Variants in ZNF280D observed in about 807,000 individuals in gnomAD.
The protein encoded by ZNF280D is zinc finger protein 280D.
ZNF280D carries 39 observed loss-of-function variants against 94.7 expected under a neutral mutation model. That is an observed-to-expected ratio of 0.41 (90% CI 0.32 to 0.54). ZNF280D has a LOEUF of 0.54. Ranked by LOEUF, ZNF280D falls within the 20% of genes least tolerant of loss-of-function variation. ZNF280D has a pLI of 0.22. For synonymous variants in ZNF280D, 398 were observed against 377.6 expected (o/e 1.05, Z -0.63); for missense variants, 1,090 against 1,149.3 (o/e 0.95, Z 0.75).
At chr15:56,654,311 G>C in intron 18 of ZNF280D, 74 bp downstream of exon 18, 1 of 1,599,010 alleles carries the variant, frequency 6.3e-7, no homozygotes, top group Non-Finnish European at 8.5e-7. Context: ...TTAGTAAAGA[G>C]ACCATATTGT....
chr15:56,658,558 G>T, intron 16 of ZNF280D, 72 bp from the exon 17 acceptor site: 1 of 1,065,588 alleles, frequency 9.4e-7, no homozygotes, highest in Non-Finnish European at 1.3e-6. Context: ...TATATTTCAA[G>T]TCCATACTTA....
intron 19 of ZNF280D, among the ~76,000 whole-genome samples, chr15:56,644,701 A>G (rs1005147534): frequency 1.5e-4 from 23 of 152,304 alleles, no homozygotes; most frequent in African/African-American, 5.5e-4. Flanking sequence ...AATTGTATGC[A>G]GCTATTAAAA....
intron 1 of ZNF280D, 78 bp from the exon 2 acceptor site, chr15:56,707,384 C>A: frequency 1.6e-6 from 2 of 1,268,380 alleles, no homozygotes; most frequent in Non-Finnish European, 2.1e-6. Context: ...TTCTCCTATA[C>A]AGAGGTCAAT....
chr15:56,729,172 CAG>C (rs1466329760), intron 1 of ZNF280D, among the ~76,000 whole-genome samples: 1 of 152,154 alleles, frequency 6.6e-6, no homozygotes, highest in Non-Finnish European at 1.5e-5. Flanking sequence ...CAGATCTACA[CAG>C]AGATTGGGAA....
At position 56,631,282 on chromosome 15, in the gene ZNF280D, G is replaced by A. The variant is rs1162274326; in HGVS notation, c.*216C>T. 1.7e-5 allele frequency: 8 copies of A among 460,540 alleles called. No homozygotes were observed. Among genetic ancestry groups the A allele is most frequent in the South Asian group, 4.6e-5 (1 of 21,790 alleles). The allele number at this position is 460,540 out of a possible 1,614,324, so 28.5% of individuals were successfully genotyped here. On this transcript the variant is annotated 3_prime_UTR_variant, in exon 22 of 22. Transcript: ENST00000267807. ...TTTAATTATCATTAAAATCCTGTTCGTGTTTTTAAAAACTTTTTGGGAATC... is the reference window on the plus strand; with the variant it reads ...TTTAATTATCATTAAAATCCTGTTCATGTTTTTAAAAACTTTTTGGGAATC...
chr15:56,714,148 T>A (rs2057916388), intron 1 of ZNF280D, among the ~76,000 whole-genome samples: 1 of 152,202 alleles, frequency 6.6e-6, no homozygotes, highest in Non-Finnish European at 1.5e-5. Context: ...AAACTAAGTA[T>A]CTTTTTCAGA....
chr15:56,631,552 G>A lies in ZNF280D; in HGVS notation c.2886C>T (p.Asn962=). The A allele has an allele frequency of 1.9e-6, 3 of 1,613,992 alleles. No individual in the cohort carries two copies. Among genetic ancestry groups the A allele is most frequent in the Non-Finnish European group, 2.5e-6 (3 of 1,179,964 alleles). The part of the protein sequence containing the change: ...DQTDDIPGGN[N]PSTTEATVDL... ...CTACTGTTGCCTCTGTTGTGCTAGG[G>A]TTATTTCCTCCAGGAATGTCATCTG... Residue 962 remains asparagine (N), a synonymous_variant, in exon 22 of 22, where the codon AAC becomes AAT. Coordinates refer to ENST00000267807, the MANE Select transcript of ZNF280D (RefSeq NM_017661.4).
At chr15:56,699,500 T>C (rs2056935169) in intron 6 of ZNF280D, 4 of 880,158 alleles carry the variant, frequency 4.5e-6, no homozygotes, top group Non-Finnish European at 5.4e-6. Flanking sequence ...TGAACTAACA[T>C]GACTGAAATA....
chr15:56,719,545 A>G (rs2058233188), intron 1 of ZNF280D, among the ~76,000 whole-genome samples: 1 of 152,098 alleles, frequency 6.6e-6, no homozygotes, highest in Admixed American at 6.6e-5. Flanking sequence ...TTTTTTCTTT[A>G]TAAAATGCCC....
intron 20 of ZNF280D, among the ~76,000 whole-genome samples, chr15:56,639,156 TAC>T (rs2052498842): frequency 1.3e-5 from 2 of 151,742 alleles, no homozygotes; most frequent in South Asian, 4.2e-4. Context: ...AATAAAAAGT[TAC>T]AGAGCTCTTC....
chr15:56,702,708 T>C (rs1373636894), intron 4 of ZNF280D, among the ~76,000 whole-genome samples: 1 of 152,060 alleles, frequency 6.6e-6, no homozygotes, highest in Non-Finnish European at 1.5e-5. Context: ...ATAATCCAAG[T>C]GGCACTCCAC....
intron 1 of ZNF280D, among the ~76,000 whole-genome samples, chr15:56,722,971 C>T (rs1197195732): frequency 2.0e-4 from 31 of 151,418 alleles, no homozygotes; most frequent in Non-Finnish European, 3.7e-4. Context: ...AGTAAACTAT[C>T]GCAAGAACAG....
At chr15:56,674,569 C>G (rs1326419449) in intron 13 of ZNF280D, among the ~76,000 whole-genome samples, 1 of 152,030 alleles carries the variant, frequency 6.6e-6, no homozygotes, top group East Asian at 1.9e-4. Context: ...CAAATTTTGA[C>G]TCTGCCTTTA....
intron 19 of ZNF280D, chr15:56,653,795 A>C (rs2053355983): frequency 6.1e-5 from 78 of 1,268,934 alleles, no homozygotes; most frequent in Non-Finnish European, 7.6e-5. Flanking sequence ...AGCAAAGAAA[A>C]GACCATAGCA....
intron 19 of ZNF280D, among the ~76,000 whole-genome samples, chr15:56,651,392 T>A (rs1166312342): frequency 6.6e-6 from 1 of 152,200 alleles, no homozygotes; most frequent in East Asian, 1.9e-4. Context: ...CTAAAACTCA[T>A]TAGCACTAAA....
chr15:56,730,380 G>C (rs1470149980), intron 1 of ZNF280D: 1 of 152,150 alleles, frequency 6.6e-6, no homozygotes, highest in African/African-American at 2.4e-5. Flanking sequence ...GAATAACAAA[G>C]TATGTTGTCA....
At chr15:56,639,023 C>T (rs2052490426) in intron 20 of ZNF280D, among the ~76,000 whole-genome samples, 1 of 151,682 alleles carries the variant, frequency 6.6e-6, no homozygotes, top group Admixed American at 6.6e-5. Context: ...TTGGAGACAT[C>T]AGATACATTG....
chr15:56,709,276 T>C (rs1344831090), intron 1 of ZNF280D, among the ~76,000 whole-genome samples: 12 of 152,244 alleles, frequency 7.9e-5, no homozygotes, highest in Admixed American at 4.6e-4. Context: ...CATCACTGGC[T>C]ATCAGAGAAA....
At position 56,694,088 on chromosome 15, in the gene ZNF280D, A is replaced by G. The variant is rs565518982; in HGVS notation, c.382-873T>C. On this transcript the variant is annotated intron_variant, in intron 6 of 21. Coordinates refer to ENST00000267807, the MANE Select transcript of ZNF280D (RefSeq NM_017661.4). The stretch of plus-strand genomic sequence containing the variant: ...CAAAGGAAGTTTTAGCCCTTCCATC[A>G]GGAGAAAGGGTGGTCCAAACTAAAA... Among the ~76,000 whole-genome samples, 3 of 152,250 alleles carry G rather than the reference A, an allele frequency of 2.0e-5. No homozygotes were observed. In the East Asian group the frequency reaches 5.8e-4, roughly 29 times the overall value.
Sources: allele counts gnomAD v4.1 joint callset (sites outside exome capture counted in the v4.1 genomes callset), GRCh38; gene constraint gnomAD v4.1.1; transcripts MANE v1.5; gene names NCBI Gene and HGNC (gene_info 2026-07-23, HGNC 2026-07-21).